The following PRKG1 variants were observed in gnomAD, a reference collection of about 807,000 sequenced individuals.
The protein encoded by PRKG1 is protein kinase cGMP-dependent 1.
A neutral mutation model predicts 88.1 loss-of-function variants in PRKG1; 35 were observed. The ratio of observed to expected loss-of-function variants is 0.40; its 90% CI spans 0.30 to 0.53. The LOEUF is 0.53. Among genes scored for constraint, PRKG1 ranks in the 20% least tolerant of loss-of-function variants. The pLI is 0.59. For missense variants in PRKG1, 540 were observed against 839.8 expected, an observed-to-expected ratio of 0.64 and a Z score of 4.41; for synonymous variants, 303 against 292.5, an observed-to-expected ratio of 1.04 and a Z score of -0.37.
At chr10:51,725,045 C>T (rs1842100686) in intron 3 of PRKG1, among the ~76,000 whole-genome samples, 1 of 151,954 alleles carries the variant, frequency 6.6e-6, no homozygotes, top group African/African-American at 2.4e-5. Context: ...AAATCAAGCA[C>T]TTTATAAACA....
At chr10:52,196,736 A>G (rs1839516147) in intron 9 of PRKG1, among the ~76,000 whole-genome samples, 1 of 152,208 alleles carries the variant, frequency 6.6e-6, no homozygotes, top group Non-Finnish European at 1.5e-5. Context: ...AGGATCTATT[A>G]GAAGTAGATA....
chr10:51,751,927 A>C (rs1398996452), intron 3 of PRKG1, among the ~76,000 whole-genome samples: 1 of 152,142 alleles, frequency 6.6e-6, no homozygotes, highest in South Asian at 2.1e-4. Context: ...AAATACTTGG[A>C]TAATAAACAA....
At chr10:52,073,459 G>A (rs1172189260) in intron 7 of PRKG1, among the ~76,000 whole-genome samples, 2 of 152,162 alleles carry the variant, frequency 1.3e-5, no homozygotes, top group Non-Finnish European at 2.9e-5. Flanking sequence ...GCAGTCTCAT[G>A]ATCAGCTACA....
At chr10:52,047,982 TTGAGATGTACA>T (rs1486096821) in intron 5 of PRKG1, among the ~76,000 whole-genome samples, 1 of 152,054 alleles carries the variant, frequency 6.6e-6, no homozygotes, top group African/African-American at 2.4e-5. Flanking sequence ...CATGCTTTAG[TTGAGATGTACA>T]TGAGATATAC....
intron 9 of PRKG1, among the ~76,000 whole-genome samples, chr10:52,213,224 AAAG>A (rs1229014668): frequency 4.6e-5 from 7 of 152,038 alleles, no homozygotes; most frequent in South Asian, 2.1e-4. Flanking sequence ...AAAATGAAAA[AAAG>A]AAGTTCAGTT....
chr10:52,083,665 T>C (rs1395232180), intron 7 of PRKG1, among the ~76,000 whole-genome samples: 1 of 152,010 alleles, frequency 6.6e-6, no homozygotes, highest in Non-Finnish European at 1.5e-5. Context: ...AAGGGAGAGA[T>C]TTATGAGAGG....
chr10:51,330,621 G>T (rs1564449288), intron 2 of PRKG1, among the ~76,000 whole-genome samples: 1 of 151,952 alleles, frequency 6.6e-6, no homozygotes, highest in East Asian at 1.9e-4. Flanking sequence ...TACTGTCAAT[G>T]ACCTCTATTG....
intron 7 of PRKG1, among the ~76,000 whole-genome samples, chr10:52,119,058 AT>A (rs1457970547): frequency 6.6e-6 from 1 of 152,106 alleles, no homozygotes; most frequent in Non-Finnish European, 1.5e-5. Context: ...GTGAAAATAC[AT>A]TTTAATCACC....
chr10:51,355,439 G>A (rs1375818468), intron 2 of PRKG1, among the ~76,000 whole-genome samples: 3 of 152,034 alleles, frequency 2.0e-5, no homozygotes, highest in Non-Finnish European at 4.4e-5. Flanking sequence ...AATATCCTTT[G>A]TATTCTGCAG....
intron 7 of PRKG1, among the ~76,000 whole-genome samples, chr10:52,069,988 C>T (rs761339521): frequency 1.7e-4 from 26 of 151,912 alleles, no homozygotes; most frequent in Non-Finnish European, 1.3e-4. Flanking sequence ...TAACATGTAA[C>T]ACTAATCAAT....
chr10:51,569,794 G>A (rs1466077634), intron 3 of PRKG1, among the ~76,000 whole-genome samples: 5 of 151,864 alleles, frequency 3.3e-5, no homozygotes, highest in African/African-American at 4.8e-5. Context: ...TATTTAAAAC[G>A]TATGCCTCCC....
chr10:51,241,307 C>CAA (rs546906226), intron 2 of PRKG1, among the ~76,000 whole-genome samples: 6 of 136,754 alleles, frequency 4.4e-5, no homozygotes, highest in African/African-American at 1.3e-4. Context: ...TGCTCCAATC[C>CAA]AAAAAAAAAA....
chr10:51,411,475 A>G (rs1241271819), intron 2 of PRKG1, among the ~76,000 whole-genome samples: 1 of 152,200 alleles, frequency 6.6e-6, no homozygotes, highest in Non-Finnish European at 1.5e-5. Flanking sequence ...TGCTTTTGGT[A>G]TGTGTCAATT....
chr10:51,551,624 A>C (rs772856086), intron 3 of PRKG1, among the ~76,000 whole-genome samples: 4 of 151,778 alleles, frequency 2.6e-5, no homozygotes, highest in Non-Finnish European at 4.4e-5. Flanking sequence ...GAAGGATTCA[A>C]TTTAGAAATA....
intron 8 of PRKG1, among the ~76,000 whole-genome samples, chr10:52,142,207 A>G (rs1228636531): frequency 6.6e-6 from 1 of 152,154 alleles, no homozygotes; most frequent in South Asian, 2.1e-4. Context: ...TTTAATGTTA[A>G]GGGTGGGATT....
chr10:51,150,746 A>T (rs565814951), intron 1 of PRKG1, among the ~76,000 whole-genome samples: 423 of 152,242 alleles, frequency 2.8e-3, no homozygotes, highest in Non-Finnish European at 4.7e-3. Flanking sequence ...AGAAACAAAA[A>T]CATCCTGAAA....
At chr10:51,931,427 A>G (rs1038385735) in intron 5 of PRKG1, among the ~76,000 whole-genome samples, 1 of 152,196 alleles carries the variant, frequency 6.6e-6, no homozygotes, top group Middle Eastern at 3.2e-3. Context: ...CAGGCTGGAC[A>G]ACATAGCGAG....
intron 2 of PRKG1, among the ~76,000 whole-genome samples, chr10:51,262,771 A>G (rs1256835069): frequency 6.6e-6 from 1 of 152,124 alleles, no homozygotes; most frequent in East Asian, 1.9e-4. Flanking sequence ...AAAGAGAGAG[A>G]GAGAAGGGGG....
At chr10:52,220,649 A>G (rs764847259) in intron 9 of PRKG1, among the ~76,000 whole-genome samples, 1 of 152,010 alleles carries the variant, frequency 6.6e-6, no homozygotes, top group Non-Finnish European at 1.5e-5. Flanking sequence ...GCTCCCACTT[A>G]TAAGTGAGAA....
Sources: gnomAD v4.1 joint callset for allele counts (sites outside exome capture counted in the v4.1 genomes callset) on GRCh38, gnomAD v4.1.1 for gene constraint, MANE v1.5 for transcripts, NCBI Gene and HGNC (gene_info 2026-07-23, HGNC 2026-07-21) for gene names.